SRGAP2C: variants seen among roughly 807,000 people sequenced by gnomAD.
SRGAP2C encodes SLIT-ROBO Rho GTPase activating protein 2C.
A neutral mutation model predicts 25.1 loss-of-function variants in SRGAP2C; 15 were observed. That is an observed-to-expected ratio of 0.60 (90% CI 0.40 to 0.92). The LOEUF is 0.92. Among genes scored for constraint, SRGAP2C ranks in the 40% least tolerant of loss-of-function variants. SRGAP2C has a pLI of 0.00. For synonymous variants in SRGAP2C, 44 were observed against 96.6 expected (o/e 0.46, Z 3.19); for missense variants, 144 against 264.4 (o/e 0.54, Z 3.16).
intron 2 of SRGAP2C, among the ~76,000 whole-genome samples, chr1:121,204,580 C>T (rs1655071312): frequency 6.6e-6 from 1 of 152,130 alleles, no homozygotes; most frequent in African/African-American, 2.4e-5. Flanking sequence ...TCTTAAATGG[C>T]AATCTAGAGA....
chr1:121,351,566 C>T (rs868954720), intron 4 of SRGAP2C, among the ~76,000 whole-genome samples: 3,167 of 140,442 alleles, frequency 0.023, 10 homozygotes, highest in South Asian at 0.043. Flanking sequence ...GCAGAGATCG[C>T]GCCACTGCAC....
intron 2 of SRGAP2C, among the ~76,000 whole-genome samples, chr1:121,259,793 T>C (rs1656570284): frequency 6.7e-6 from 1 of 149,506 alleles, no homozygotes; most frequent in Admixed American, 6.7e-5. Flanking sequence ...GAATGCTGGG[T>C]AGTTGTGAGG....
At chr1:121,305,994 G>T (rs1310500954) in intron 3 of SRGAP2C, among the ~76,000 whole-genome samples, 3 of 152,084 alleles carry the variant, frequency 2.0e-5, no homozygotes, top group African/African-American at 7.2e-5. Flanking sequence ...ATCAAGCTAG[G>T]GCTGTTGGTT....
intron 2 of SRGAP2C, among the ~76,000 whole-genome samples, chr1:121,191,090 T>C (rs1272112868): frequency 6.6e-6 from 1 of 152,314 alleles, no homozygotes; most frequent in African/African-American, 2.4e-5. Flanking sequence ...TGCCTCTCAA[T>C]GTCTGACTTG....
chr1:121,211,400 G>T (rs1418369757), intron 2 of SRGAP2C, among the ~76,000 whole-genome samples: 419 of 130,402 alleles, frequency 3.2e-3, no homozygotes, highest in African/African-American at 0.01. Context: ...TTGAGAGAGA[G>T]ATATATATAT....
chr1:121,265,089 C>T (rs1246416937), intron 2 of SRGAP2C, among the ~76,000 whole-genome samples: 2 of 84,822 alleles, frequency 2.4e-5, no homozygotes, highest in East Asian at 3.2e-4. Context: ...TCCAGCTACT[C>T]GGGAGGCTGA....
chr1:121,375,710 ATGCC>A (rs1234335026), intron 7 of SRGAP2C, among the ~76,000 whole-genome samples: 1 of 151,312 alleles, frequency 6.6e-6, no homozygotes, highest in East Asian at 2.0e-4. Context: ...AAGAGTTACA[ATGCC>A]ATCCCTTATA....
At chr1:121,192,371 AG>A (rs1401034511) in intron 2 of SRGAP2C, among the ~76,000 whole-genome samples, 1 of 152,066 alleles carries the variant, frequency 6.6e-6, no homozygotes, top group Non-Finnish European at 1.5e-5. Context: ...TCCCTTGCTC[AG>A]GGGAAAAAAC....
intron 2 of SRGAP2C, among the ~76,000 whole-genome samples, chr1:121,232,779 G>A (rs1655851117): frequency 6.6e-6 from 1 of 152,078 alleles, no homozygotes; most frequent in African/African-American, 2.4e-5. Context: ...ACCACCTGGA[G>A]AGCTTCATTT....
At chr1:121,308,618 G>T (rs1377098562) in intron 3 of SRGAP2C, among the ~76,000 whole-genome samples, 1 of 151,842 alleles carries the variant, frequency 6.6e-6, no homozygotes, top group Non-Finnish European at 1.5e-5. Context: ...TCCAACCTGG[G>T]CAACATAGCA....
chr1:121,268,022 T>A (rs1273689867), intron 2 of SRGAP2C, among the ~76,000 whole-genome samples: 1 of 147,078 alleles, frequency 6.8e-6, no homozygotes, highest in Non-Finnish European at 1.5e-5. Flanking sequence ...CTTTATTGAG[T>A]GCTTACTCTA....
intron 4 of SRGAP2C, among the ~76,000 whole-genome samples, chr1:121,347,865 G>T: frequency 6.7e-6 from 1 of 149,074 alleles, no homozygotes; most frequent in East Asian, 2.1e-4. Flanking sequence ...GGGTGGGGAC[G>T]ATCATGGGGA....
intron 2 of SRGAP2C, among the ~76,000 whole-genome samples, chr1:121,217,838 G>A (rs1292650440): frequency 5.9e-5 from 9 of 152,036 alleles, no homozygotes; most frequent in Admixed American, 2.6e-4. Context: ...AGGGGTCTTG[G>A]GAAGGGATCT....
chr1:121,316,532 TTAAC>T (rs1175818054), intron 3 of SRGAP2C, among the ~76,000 whole-genome samples: 8 of 67,980 alleles, frequency 1.2e-4, no homozygotes, highest in African/African-American at 5.1e-4. Flanking sequence ...GACATCTTAA[TTAAC>T]TAGAGAAGAA....
At chr1:121,314,594 A>G (rs1443512577) in intron 3 of SRGAP2C, among the ~76,000 whole-genome samples, 13 of 150,776 alleles carry the variant, frequency 8.6e-5, no homozygotes, top group African/African-American at 2.0e-4. Flanking sequence ...TGATGTACAG[A>G]TGGGTTTTCG....
Position 121,284,913 on chromosome 1 carries a change from G to T in SRGAP2C, c.178G>T (p.Glu60Ter). Residue 60 changes from glutamate to a stop codon, truncating the protein, a stop_gained, in exon 3 of 10, where the codon GAG (glutamate) becomes TAG (stop). Transcript: ENST00000367123. LOFTEE classifies it high-confidence loss of function. Reference sequence around the variant, plus strand: ...CTTCTTCCGAAAGAAGGCAGAGATTGAGATGGACTACTCCCGCAACCTGGA... The same window carrying T: ...CTTCTTCCGAAAGAAGGCAGAGATTTAGATGGACTACTCCCGCAACCTGGA... ...QDFFRKKAEI[E>*]MDYSRNLEKL... is the part of the protein sequence containing the mutation. 2 of 1,542,504 alleles carry T rather than the reference G, an allele frequency of 1.3e-6. No homozygotes were observed. The highest frequency in any genetic ancestry group is 1.8e-6 in the Non-Finnish European group (2 of 1,141,518).
At chr1:121,206,473 G>A (rs1179321862) in intron 2 of SRGAP2C, among the ~76,000 whole-genome samples, 1 of 152,192 alleles carries the variant, frequency 6.6e-6, no homozygotes, top group Non-Finnish European at 1.5e-5. Context: ...AAAGATCAGT[G>A]GGGGCACTCT....
chr1:121,248,454 T>G (rs1656271251), intron 2 of SRGAP2C, among the ~76,000 whole-genome samples: 1 of 110,730 alleles, frequency 9.0e-6, no homozygotes, highest in Non-Finnish European at 1.9e-5. Flanking sequence ...ACTTTTTTTT[T>G]TTTTTTTTTT....
At chr1:121,265,668 A>G (rs1656758080) in intron 2 of SRGAP2C, among the ~76,000 whole-genome samples, 1 of 146,768 alleles carries the variant, frequency 6.8e-6, no homozygotes, top group African/African-American at 2.5e-5. Flanking sequence ...TTGTTTCTAC[A>G]TGGTAGCGGT....
Sources: allele counts gnomAD v4.1 joint callset (sites outside exome capture counted in the v4.1 genomes callset), GRCh38; gene constraint gnomAD v4.1.1; transcripts MANE v1.5; gene names NCBI Gene and HGNC (gene_info 2026-07-23, HGNC 2026-07-21).